RBFOX1: variants seen among roughly 807,000 people sequenced by gnomAD.
RBFOX1 encodes the protein RNA binding fox-1 homolog 1, also known as RNA binding protein fox-1 homolog 1.
In RBFOX1, 8 loss-of-function variants were observed where a neutral mutation model predicts 57.7. The observed-to-expected ratio is 0.14, with a 90% confidence interval of 0.08 to 0.25. The LOEUF is 0.25. RBFOX1 is among the 10% of genes least tolerant of loss of function. The pLI, the probability that RBFOX1 is intolerant of heterozygous loss-of-function variation, is 1.00. For synonymous variants in RBFOX1, 326 were observed against 222.4 expected (o/e 1.47, Z -4.15); for missense variants, 611 against 548.5 (o/e 1.11, Z -1.14).
intron 1 of RBFOX1, among the ~76,000 whole-genome samples, chr16:6,243,757 CA>C (rs2097552817): frequency 6.6e-6 from 1 of 152,146 alleles, no homozygotes; most frequent in Non-Finnish European, 1.5e-5. Flanking sequence ...GGGGCCCTAG[CA>C]CCTTGGTTTG....
intron 4 of RBFOX1, among the ~76,000 whole-genome samples, chr16:7,338,527 T>G (rs1460827604): frequency 1.3e-5 from 2 of 152,170 alleles, no homozygotes; most frequent in Non-Finnish European, 2.9e-5. Context: ...TAGCTGGAAC[T>G]ACAGACATGT....
chr16:5,364,782 G>A (rs560448797), intron 1 of RBFOX1, among the ~76,000 whole-genome samples: 212 of 151,084 alleles, frequency 1.4e-3, no homozygotes, highest in Middle Eastern at 0.01. Context: ...TGAGGCAGGT[G>A]CTGCTTTAAA....
At chr16:7,215,743 G>C (rs1335879332) in intron 4 of RBFOX1, among the ~76,000 whole-genome samples, 1 of 41,864 alleles carries the variant, frequency 2.4e-5, no homozygotes, top group Non-Finnish European at 4.5e-5. Context: ...TTTTTTTTTT[G>C]AGACGGAGTC....
chr16:6,863,366 A>G (rs1356655659), intron 3 of RBFOX1, among the ~76,000 whole-genome samples: 2 of 152,086 alleles, frequency 1.3e-5, no homozygotes, highest in East Asian at 1.9e-4. Context: ...TGACTCACTA[A>G]TCTTCAAGAA....
At chr16:6,282,765 C>G (rs958843654) in intron 1 of RBFOX1, among the ~76,000 whole-genome samples, 1 of 152,202 alleles carries the variant, frequency 6.6e-6, no homozygotes, top group Non-Finnish European at 1.5e-5. Flanking sequence ...TTTAAACAAT[C>G]TCTTAGCTTC....
intron 2 of RBFOX1, among the ~76,000 whole-genome samples, chr16:5,588,149 C>A (rs1596355259): frequency 6.6e-6 from 1 of 152,052 alleles, no homozygotes; most frequent in East Asian, 1.9e-4. Context: ...ATGAAAGTCC[C>A]ACACAAATAA....
chr16:6,459,193 G>A (rs1479712555), intron 2 of RBFOX1, among the ~76,000 whole-genome samples: 5 of 152,080 alleles, frequency 3.3e-5, no homozygotes, highest in African/African-American at 9.7e-5. Context: ...AAAATTAGCC[G>A]GCCATGGTGG....
intron 3 of RBFOX1, among the ~76,000 whole-genome samples, chr16:6,824,412 A>T (rs1339530939): frequency 6.6e-6 from 1 of 152,192 alleles, no homozygotes. Context: ...CATGTCAAAG[A>T]CTGTAAACAG....
At chr16:6,621,486 A>C (rs568130183) in intron 2 of RBFOX1, among the ~76,000 whole-genome samples, 2 of 152,162 alleles carry the variant, frequency 1.3e-5, no homozygotes, top group East Asian at 3.9e-4. Context: ...CAACAACAAC[A>C]ACAACAAAAC....
chr16:5,620,123 A>C (rs1428545327), intron 3 of RBFOX1, among the ~76,000 whole-genome samples: 1 of 152,164 alleles, frequency 6.6e-6, no homozygotes, highest in African/African-American at 2.4e-5. Context: ...CATTACAGTC[A>C]GGTGGCAATG....
intron 2 of RBFOX1, among the ~76,000 whole-genome samples, chr16:5,517,930 C>CTGTG (rs71404527): frequency 0.01 from 1,465 of 144,154 alleles, 8 homozygotes; most frequent in Middle Eastern, 0.031. Flanking sequence ...GCAAAAGCTA[C>CTGTG]TGTGTGTGTG....
At chr16:6,384,333 A>G (rs1193937367) in intron 2 of RBFOX1, among the ~76,000 whole-genome samples, 1 of 152,212 alleles carries the variant, frequency 6.6e-6, no homozygotes. Flanking sequence ...TAAAAATAAT[A>G]TACAAATATT....
At chr16:7,222,336 C>T (rs2092791595) in intron 4 of RBFOX1, among the ~76,000 whole-genome samples, 1 of 152,186 alleles carries the variant, frequency 6.6e-6, no homozygotes, top group Non-Finnish European at 1.5e-5. Flanking sequence ...CTCATGTTGG[C>T]TATATAGGTA....
intron 4 of RBFOX1, among the ~76,000 whole-genome samples, chr16:7,213,875 C>G (rs1278525195): frequency 1.3e-5 from 2 of 152,156 alleles, no homozygotes; most frequent in African/African-American, 4.8e-5. Context: ...GGGAACGACT[C>G]AAAGACAGCT....
intron 2 of RBFOX1, among the ~76,000 whole-genome samples, chr16:6,442,278 C>T (rs1358864894): frequency 6.6e-6 from 1 of 152,136 alleles, no homozygotes; most frequent in African/African-American, 2.4e-5. Flanking sequence ...ACACTGTTGG[C>T]CGTGCACGGT....
At chr16:7,226,372 A>G (rs1030240472) in intron 4 of RBFOX1, among the ~76,000 whole-genome samples, 1 of 152,184 alleles carries the variant, frequency 6.6e-6, no homozygotes, top group Non-Finnish European at 1.5e-5. Context: ...AGAGGGAAGG[A>G]ATTTCCAGCA....
intron 4 of RBFOX1, among the ~76,000 whole-genome samples, chr16:7,367,378 G>C (rs923771151): frequency 3.3e-5 from 5 of 152,156 alleles, no homozygotes; most frequent in East Asian, 1.9e-4. Context: ...TGTCATTTTG[G>C]CTAGTCTTCC....
intron 4 of RBFOX1, among the ~76,000 whole-genome samples, chr16:7,130,566 G>C (rs984235417): frequency 6.6e-6 from 1 of 152,180 alleles, no homozygotes; most frequent in Non-Finnish European, 1.5e-5. Flanking sequence ...GAGTGAAACA[G>C]TGAGTCAGTG....
intron 3 of RBFOX1, among the ~76,000 whole-genome samples, chr16:6,867,807 T>A (rs6500860): frequency 0.18 from 26,973 of 152,136 alleles, 3,037 homozygotes; most frequent in African/African-American, 0.31. Context: ...AAGTCCTGTT[T>A]ATCCCTTGAT....
Sources: allele counts gnomAD v4.1 joint callset (sites outside exome capture counted in the v4.1 genomes callset), GRCh38; gene constraint gnomAD v4.1.1; transcripts MANE v1.5; gene names NCBI Gene and HGNC (gene_info 2026-07-23, HGNC 2026-07-21).